Variants in WDPCP observed in about 807,000 individuals in gnomAD.
WDPCP encodes the protein WD repeat containing planar cell polarity effector, also known as WD repeat-containing and planar cell polarity effector protein fritz homolog.
WDPCP carries 71 observed loss-of-function variants against 93.1 expected under a neutral mutation model. That is an observed-to-expected ratio of 0.76 (90% CI 0.63 to 0.93). The LOEUF (loss-of-function observed/expected upper bound fraction) is 0.93. Among genes scored for constraint, WDPCP ranks in the 40% least tolerant of loss-of-function variants. WDPCP has a pLI of 0.00. For synonymous variants in WDPCP, 315 were observed against 315.0 expected (o/e 1.00, Z 0.00); for missense variants, 844 against 887.4 (o/e 0.95, Z 0.62).
At chr2:63,201,433 A>T (rs1675903379) in intron 14 of WDPCP, among the ~76,000 whole-genome samples, 1 of 152,220 alleles carries the variant, frequency 6.6e-6, no homozygotes, top group African/African-American at 2.4e-5. Context: ...AGTATTTTAA[A>T]AACGTGCTTT....
chr2:63,499,197 G>A (rs1268517353), intron 1 of WDPCP, among the ~76,000 whole-genome samples: 1 of 152,162 alleles, frequency 6.6e-6, no homozygotes, highest in African/African-American at 2.4e-5. Flanking sequence ...GGCTAGGGGG[G>A]TTCAAAGGGC....
At chr2:63,548,692 G>T (rs959832682) in intron 1 of WDPCP, among the ~76,000 whole-genome samples, 7 of 150,068 alleles carry the variant, frequency 4.7e-5, no homozygotes, top group African/African-American at 1.7e-4. Flanking sequence ...CCGAGCTCTC[G>T]CCATGTTGCC....
intron 3 of WDPCP, among the ~76,000 whole-genome samples, chr2:63,618,336 C>T (rs867675741): frequency 3.9e-5 from 6 of 152,322 alleles, no homozygotes; most frequent in Non-Finnish European, 7.3e-5. Context: ...AATAGCTTAA[C>T]GGGAAGTACA....
intron 14 of WDPCP, among the ~76,000 whole-genome samples, chr2:63,244,985 A>C (rs1680159657): frequency 1.3e-5 from 2 of 149,720 alleles, no homozygotes; most frequent in South Asian, 4.1e-4. Context: ...GAAGTGATCC[A>C]AAACCTCATA....
chr2:63,384,497 A>G (rs1430203250), intron 10 of WDPCP, among the ~76,000 whole-genome samples: 1 of 151,292 alleles, frequency 6.6e-6, no homozygotes, highest in African/African-American at 2.4e-5. Context: ...CTTTACACAT[A>G]CACACACACA....
At chr2:63,396,713 A>G (rs1235875465) in intron 10 of WDPCP, among the ~76,000 whole-genome samples, 1 of 151,896 alleles carries the variant, frequency 6.6e-6, no homozygotes, top group Admixed American at 6.6e-5. Flanking sequence ...TTTGTTACGT[A>G]GGTAAACTCA....
At chr2:63,412,908 C>G (rs190610952) in intron 9 of WDPCP, among the ~76,000 whole-genome samples, 1 of 148,922 alleles carries the variant, frequency 6.7e-6, no homozygotes, top group East Asian at 1.9e-4. Context: ...CCATGCTCAT[C>G]GATGGGTAGA....
chr2:63,322,357 G>A (rs908403968), intron 12 of WDPCP, among the ~76,000 whole-genome samples: 7 of 152,176 alleles, frequency 4.6e-5, no homozygotes, highest in African/African-American at 1.7e-4. Context: ...ACCCGCTCGG[G>A]TCCCCTTCCA....
chr2:63,610,644 T>G (rs2106633653), intron 3 of WDPCP, among the ~76,000 whole-genome samples: 1 of 152,320 alleles, frequency 6.6e-6, no homozygotes, highest in South Asian at 2.1e-4. Flanking sequence ...AGCCTTGTTT[T>G]TGTCCCATGG....
chr2:63,414,788 G>A (rs974821134), intron 9 of WDPCP, among the ~76,000 whole-genome samples: 1 of 152,138 alleles, frequency 6.6e-6, no homozygotes, highest in African/African-American at 2.4e-5. Flanking sequence ...TACTGCTTGG[G>A]TGATGGGTGC....
intron 13 of WDPCP, among the ~76,000 whole-genome samples, chr2:63,270,914 T>C (rs2951185): frequency 0.81 from 123,138 of 152,114 alleles, 50,633 homozygotes; most frequent in East Asian, 0.96. Context: ...TGTAGCATGA[T>C]GTCACTTTGA....
At chr2:63,561,586 GAACA>G (rs891106939) in intron 1 of WDPCP, among the ~76,000 whole-genome samples, 11 of 151,896 alleles carry the variant, frequency 7.2e-5, no homozygotes, top group Non-Finnish European at 2.9e-5. Context: ...TCATCAGAGT[GAACA>G]AACAACCTAC....
chr2:63,772,671 A>C (rs765569530), intron 2 of WDPCP, among the ~76,000 whole-genome samples: 1 of 152,096 alleles, frequency 6.6e-6, no homozygotes, highest in Non-Finnish European at 1.5e-5. Flanking sequence ...CATTAATAGA[A>C]TAAAAGATAT....
upstream of WDPCP, chr2:63,588,694 T>C (rs1010774788): frequency 1.7e-5 from 8 of 468,194 alleles, no homozygotes; most frequent in Non-Finnish European, 2.4e-5. Context: ...CCGGGCTCCA[T>C]CAGGCAGGTC....
At chr2:63,385,697 T>C (rs1299411793) in intron 10 of WDPCP, among the ~76,000 whole-genome samples, 1 of 151,914 alleles carries the variant, frequency 6.6e-6, no homozygotes, top group Non-Finnish European at 1.5e-5. Flanking sequence ...CCTAAAATGA[T>C]CTATAGATCC....
chr2:63,338,016 GTCTATTTTTGTTTTGGTT>G (rs1688513339), intron 12 of WDPCP, among the ~76,000 whole-genome samples: 1 of 152,122 alleles, frequency 6.6e-6, no homozygotes, highest in Admixed American at 6.5e-5. Context: ...AATCTCATTT[GTCTATTTTTGTTTTGGTT>G]ACCTGTGCTT....
chr2:63,271,378 T>C (rs1426258022), intron 13 of WDPCP, among the ~76,000 whole-genome samples: 1 of 152,184 alleles, frequency 6.6e-6, no homozygotes, highest in Non-Finnish European at 1.5e-5. Context: ...GCCCTGAGGA[T>C]TGATCTGCTT....
chr2:63,466,896 T>C (rs1021343930), intron 6 of WDPCP, among the ~76,000 whole-genome samples: 2 of 152,054 alleles, frequency 1.3e-5, no homozygotes, highest in Admixed American at 6.6e-5. Flanking sequence ...GCCAGGAAAT[T>C]AAGAGTTTCT....
chr2:63,528,248 T>C (rs1277149729), intron 1 of WDPCP, among the ~76,000 whole-genome samples: 2 of 152,228 alleles, frequency 1.3e-5, no homozygotes, highest in Non-Finnish European at 2.9e-5. Context: ...ATTTTGGCTT[T>C]TGTTGCCATT....
Sources: gnomAD v4.1 joint callset for allele counts (sites outside exome capture counted in the v4.1 genomes callset) on GRCh38, gnomAD v4.1.1 for gene constraint, MANE v1.5 for transcripts, NCBI Gene and HGNC (gene_info 2026-07-23, HGNC 2026-07-21) for gene names.